The following GPR55 variants were observed in gnomAD, a reference collection of about 807,000 sequenced individuals.
The protein encoded by GPR55 is G-protein coupled receptor 55.
Under a neutral mutation model 7.9 loss-of-function variants are expected in GPR55, and 6 were observed. The observed-to-expected ratio is 0.76, with a 90% confidence interval of 0.41 to 1.49. The LOEUF (loss-of-function observed/expected upper bound fraction) is 1.49, where lower values mean the gene tolerates loss of function less well. GPR55 is among the 40% of genes most tolerant of loss of function. The probability of loss-of-function intolerance (pLI) is 0.01; values close to 1 mark genes in which losing one functional copy is unlikely to be tolerated. For synonymous variants in GPR55, 183 were observed against 166.8 expected (o/e 1.10, Z -0.75); for missense variants, 376 against 406.0 (o/e 0.93, Z 0.63).
rs553541330 is a variant in GPR55 at position 230,938,689 on chromosome 2, G to T, written c.-135+22086C>A. Among the ~76,000 whole-genome samples the T allele has an allele frequency of 2.3e-3, 345 of 152,344 alleles. 4 individuals carry two copies. The highest frequency in any genetic ancestry group is 1.7e-3 in the Non-Finnish European group (114 of 68,034). On this transcript the variant is annotated intron_variant, in intron 1 of 1. Coordinates refer to the GPR55 transcript ENST00000392039. ...AGGCTGGAGCAGCGGGCAGGGCAAGGCTGGAGGAGGCTCAAGGAGCCAGGG... is the reference window on the plus strand; with the variant it reads ...AGGCTGGAGCAGCGGGCAGGGCAAGTCTGGAGGAGGCTCAAGGAGCCAGGG...
intron 1 of GPR55, among the ~76,000 whole-genome samples, chr2:230,941,827 A>C (rs1188097609): frequency 6.6e-6 from 1 of 152,204 alleles, no homozygotes; most frequent in Non-Finnish European, 1.5e-5. Context: ...TTAAACATTA[A>C]AATATTTCAA....
At chr2:230,926,679 CTTCTTTTTTT>C (rs1690948015), upstream of GPR55, among the ~76,000 whole-genome samples, 1 of 143,410 alleles carries the variant, frequency 7.0e-6, no homozygotes, top group African/African-American at 2.7e-5. Context: ...TTCTGGCTAC[CTTCTTTTTTT>C]TTTTTTTTTT....
Position 230,915,786 on chromosome 2 carries a change from G to T in GPR55, c.-134-4690C>A, listed in dbSNP as rs1217218687. ...TGAAAAAATAATTAACACCAGAAGA[G>T]GTTTGAGGGAGAAGATCTGGGTGCA... On this transcript the variant is annotated intron_variant, in intron 1 of 1. Coordinates refer to ENST00000650999, the MANE Select transcript of GPR55 (RefSeq NM_005683.4). Among the ~76,000 whole-genome samples the T allele has an allele frequency of 2.6e-5, 4 of 152,204 alleles. No individual in the cohort carries two copies. In the South Asian group the frequency reaches 8.3e-4, roughly 32 times the overall value.
chr2:230,949,480 T>A (rs189952749), intron 1 of GPR55, among the ~76,000 whole-genome samples: 1 of 152,320 alleles, frequency 6.6e-6, no homozygotes, highest in Admixed American at 6.5e-5. Flanking sequence ...AAGTTCTTGA[T>A]AGCTATTGTA....
chr2:230,949,408 C>G lies in GPR55; in HGVS notation c.-135+11367G>C, dbSNP rs185634275. Among the ~76,000 whole-genome samples, 654 of 152,342 alleles carry G rather than the reference C, an allele frequency of 4.3e-3. 3 individuals carry two copies. The highest frequency in any genetic ancestry group is 0.015 in the African/African-American group (612 of 41,570). On this transcript the variant is annotated intron_variant, in intron 1 of 1. Transcript: ENST00000392039. ...CGAACTCCTGAACTTGCGATCTGCC[C>G]GCGTTGGCCTCCCAATGTGCTGAGA...
At position 230,930,390 on chromosome 2, in the gene GPR55, C is replaced by T. The variant is rs76658719; in HGVS notation, c.-134-19294G>A. 7.7e-3 allele frequency among the ~76,000 whole-genome samples: 1,174 copies of T among 151,780 alleles called. 19 individuals are homozygous for T. Among genetic ancestry groups the T allele is most frequent in the African/African-American group, 0.026 (1,063 of 41,354 alleles). ...TGTTGAGTCTTTTCTCCCTACTTCA[C>T]CCCTTCCCACCTCCCCTACACACAG... On this transcript the variant is annotated intron_variant, in intron 1 of 1. Coordinates refer to the GPR55 transcript ENST00000392039.
chr2:230,943,119 GAGAGAGAGA>G (rs1691260389), intron 1 of GPR55, among the ~76,000 whole-genome samples: 1 of 151,354 alleles, frequency 6.6e-6, no homozygotes, highest in East Asian at 2.0e-4. Flanking sequence ...AGAGAGAGAG[GAGAGAGAGA>G]GCGCTCTCTG....
At chr2:230,948,283 CAG>C (rs1225635090) in intron 1 of GPR55, among the ~76,000 whole-genome samples, 2 of 152,138 alleles carry the variant, frequency 1.3e-5, no homozygotes, top group Non-Finnish European at 2.9e-5. Context: ...CTTCCCCACT[CAG>C]AGCCTCCCCC....
chr2:230,911,519 T>C (rs1052548692), intron 1 of GPR55, among the ~76,000 whole-genome samples: 1 of 152,190 alleles, frequency 6.6e-6, no homozygotes, highest in Admixed American at 6.5e-5. Context: ...GAGCGTTGCA[T>C]TCCCCTGGAC....
At chr2:230,953,936 G>T (rs10192522) in intron 1 of GPR55, among the ~76,000 whole-genome samples, 9,339 of 152,256 alleles carry the variant, frequency 0.061, 684 homozygotes, top group East Asian at 0.4. Context: ...CCTTCCTGGT[G>T]GGGGATCCCC....
chr2:230,954,095 C>T (rs1379409734), intron 1 of GPR55, among the ~76,000 whole-genome samples: 1 of 152,256 alleles, frequency 6.6e-6, no homozygotes, highest in African/African-American at 2.4e-5. Context: ...CAAATCGTAA[C>T]AGAGGGCTTC....
chr2:230,954,213 C>T (rs1691445427), intron 1 of GPR55, among the ~76,000 whole-genome samples: 1 of 152,264 alleles, frequency 6.6e-6, no homozygotes, highest in Non-Finnish European at 1.5e-5. Context: ...CATCCTTGCA[C>T]CTGGTCTCCT....
intron 1 of GPR55, among the ~76,000 whole-genome samples, chr2:230,943,532 T>C (rs754274632): frequency 1.3e-5 from 2 of 152,080 alleles, no homozygotes; most frequent in African/African-American, 4.8e-5. Flanking sequence ...AATGCCAGAG[T>C]AGGTCACGGA....
rs1037079973 is a variant in GPR55, at chr2:230,920,205, G to T, written c.-135+4963C>A. Among the ~76,000 whole-genome samples the T allele has an allele frequency of 3.3e-5, 5 of 151,900 alleles. No homozygotes were observed. In the South Asian group the frequency reaches 1.0e-3, roughly 32 times the overall value. ...GGTGGGGAAAAAGGAGACCAGTAAG[G>T]ATAGCTTTCAATTTTTTCCTTCTGT... On this transcript the variant is annotated intron_variant, in intron 1 of 1. Transcript: ENST00000650999.
At chr2:230,940,313 G>A (rs768940067) in intron 1 of GPR55, among the ~76,000 whole-genome samples, 4 of 152,164 alleles carry the variant, frequency 2.6e-5, no homozygotes, top group Non-Finnish European at 4.4e-5. Flanking sequence ...CAAGGCTGGG[G>A]TTTCCTGACA....
intron 1 of GPR55, among the ~76,000 whole-genome samples, chr2:230,936,964 C>G (rs1345830486): frequency 6.6e-6 from 1 of 152,164 alleles, no homozygotes; most frequent in Non-Finnish European, 1.5e-5. Flanking sequence ...AGCCAGATTT[C>G]CTATGTCAAA....
In GPR55 at chr2:230,923,600, TG is replaced by T. The variant is rs1197873056; in HGVS notation, c.-135+1567del. Among the ~76,000 whole-genome samples the T allele has an allele frequency of 8.2e-6, 1 of 122,102 alleles. No homozygotes were observed. The highest frequency in any genetic ancestry group is 3.1e-5 in the African/African-American group (1 of 32,058). 80.1% of individuals were successfully genotyped at this position (122,102 alleles called of 152,430 possible). A position where few individuals can be genotyped will look rare whatever the true frequency, so the allele number is the denominator to read the frequency against. ...GCCTGAATGTTGCTGGAGCTTGGGCTGGGGGGTTGGAGTGGGGCTGGGAGAG... is the reference window on the plus strand; with the variant it reads ...GCCTGAATGTTGCTGGAGCTTGGGCTGGGGGTTGGAGTGGGGCTGGGAGAG... On this transcript the variant is annotated intron_variant, in intron 1 of 1. Coordinates refer to ENST00000650999, the MANE Select transcript of GPR55 (RefSeq NM_005683.4). This position sits in a 1 kb window ranked among gnomAD's most constrained non-coding sequence, Gnocchi z 4.1.
At chr2:230,940,709 C>T (rs529234506) in intron 1 of GPR55, among the ~76,000 whole-genome samples, 53 of 152,220 alleles carry the variant, frequency 3.5e-4, no homozygotes, top group Admixed American at 1.1e-3. Context: ...CTGGGCAGGT[C>T]GAAGAGTATG....
upstream of GPR55, among the ~76,000 whole-genome samples, chr2:230,927,386 G>T (rs1255182985): frequency 1.3e-5 from 2 of 152,210 alleles, no homozygotes; most frequent in African/African-American, 2.4e-5. Context: ...AGACTCAAAG[G>T]TTTGAGCTCC....
Sources: allele counts gnomAD v4.1 joint callset (sites outside exome capture counted in the v4.1 genomes callset), GRCh38; gene constraint gnomAD v4.1.1; non-coding constraint Gnocchi (gnomAD v3.1); transcripts MANE v1.5; gene names NCBI Gene and HGNC (gene_info 2026-07-23, HGNC 2026-07-21).